RNF182: variants seen among roughly 807,000 people sequenced by gnomAD.
RNF182 encodes ring finger protein 182, also known as E3 ubiquitin-protein ligase RNF182.
In RNF182, 15 loss-of-function variants were observed where a neutral mutation model predicts 14.4. The ratio of observed to expected loss-of-function variants is 1.04; its 90% CI spans 0.70 to 1.60. RNF182 has a LOEUF of 1.60. RNF182 is among the 40% of genes most tolerant of loss of function. RNF182 has a pLI of 0.00. For missense variants in RNF182, 268 were observed against 294.8 expected (o/e 0.91, Z 0.67); for synonymous variants, 128 against 122.9 (o/e 1.04, Z -0.27).
chr6:13,940,007 C>CT (rs566479936), intron 1 of RNF182, among the ~76,000 whole-genome samples: 5 of 152,098 alleles, frequency 3.3e-5, no homozygotes, highest in African/African-American at 9.6e-5. Context: ...GTATCTTACA[C>CT]TTTTTTTTAT....
chr6:13,962,633 C>T (rs1759910745), intron 1 of RNF182, among the ~76,000 whole-genome samples: 1 of 152,142 alleles, frequency 6.6e-6, no homozygotes, highest in Admixed American at 6.5e-5. Flanking sequence ...TATCAGTTTT[C>T]TTGTTACAGA....
chr6:13,979,988 ATTG>A lies in RNF182; in HGVS notation c.*2128_*2130del, dbSNP rs1353669242. On this transcript the variant is annotated 3_prime_UTR_variant, in exon 3 of 3. Coordinates refer to ENST00000488300, the MANE Select transcript of RNF182 (RefSeq NM_152737.4). Reference sequence around the variant, plus strand: ...TGATACTATTTTGTTTGTCTATTAAATTGTTATTATTTCCAAATTTAGAAGTTT... The same window carrying A: ...TGATACTATTTTGTTTGTCTATTAAATTATTATTTCCAAATTTAGAAGTTT... The A allele has an allele frequency of 6.0e-5, 10 of 165,736 alleles. No homozygotes were observed. The highest frequency in any genetic ancestry group is 1.9e-4 in the East Asian group (1 of 5,204). 10.3% of individuals were successfully genotyped at this position (165,736 alleles called of 1,614,324 possible).
chr6:13,947,077 A>G (rs1421482866), intron 1 of RNF182, among the ~76,000 whole-genome samples: 1 of 152,174 alleles, frequency 6.6e-6, no homozygotes, highest in Non-Finnish European at 1.5e-5. Context: ...AGAGCTTTCT[A>G]TGAACTGGGC....
intron 1 of RNF182, chr6:13,949,370 AG>A (rs1759525157): frequency 1.3e-6 from 1 of 761,744 alleles, no homozygotes; most frequent in African/African-American, 1.7e-5. Context: ...GCTGCCAGTC[AG>A]ATCTCTAACA....
intron 1 of RNF182, among the ~76,000 whole-genome samples, chr6:13,948,755 G>T (rs1369161542): frequency 6.6e-6 from 1 of 152,060 alleles, no homozygotes; most frequent in African/African-American, 2.4e-5. Flanking sequence ...CATTTATTTA[G>T]CCAAAATGAC....
At position 13,971,150 on chromosome 6, in the gene RNF182, C is replaced by T. The variant is rs771216544; in HGVS notation, c.-366-3060C>T. ...GATATGATTTGGCTCTGTTTCCCCA[C>T]CCAAATCTCACCTTGAACTGTAATA... On this transcript the variant is annotated intron_variant, in intron 1 of 2. Transcript: ENST00000488300. Among the ~76,000 whole-genome samples the T allele has an allele frequency of 2.0e-4, 31 of 152,192 alleles. No homozygotes were observed. The Middle Eastern group carries it at 0.01, about 50-fold the overall frequency.
At chr6:13,933,980 T>C (rs1255933782) in intron 1 of RNF182, among the ~76,000 whole-genome samples, 1 of 152,030 alleles carries the variant, frequency 6.6e-6, no homozygotes, top group African/African-American at 2.4e-5. Flanking sequence ...ATTGCACCAC[T>C]GCACTCCAGC....
At position 13,977,562 on chromosome 6, in the gene RNF182, C is replaced by T. The variant is rs1406350850; in HGVS notation, c.443C>T (p.Pro148Leu). 6.2e-7 allele frequency: 1 copy of T among 1,614,182 alleles called. No individual in the cohort carries two copies. Among genetic ancestry groups the T allele is most frequent in the Admixed American group, 1.7e-5 (1 of 60,024 alleles). ...RESSPSLSST[P>L]VVEFYRPASF... ...AGCTCCCCGTCCCTGAGCTCCACTC[C>T]TGTGGTAGAATTTTATAGGCCTGCG... The change falls in exon 3 of 3, where the codon CCT (proline) becomes CTT (leucine). Residue 148 changes from proline to leucine, a missense_variant. Physicochemically the swap from Pro to Leu is moderately conservative, Grantham distance 98. Coordinates refer to ENST00000488300, the MANE Select transcript of RNF182 (RefSeq NM_152737.4).
At chr6:13,936,595 C>CT (rs1759117406) in intron 1 of RNF182, among the ~76,000 whole-genome samples, 1 of 152,196 alleles carries the variant, frequency 6.6e-6, no homozygotes, top group African/African-American at 2.4e-5. Flanking sequence ...ACTAATGACT[C>CT]AAAGATGAAC....
intron 1 of RNF182, among the ~76,000 whole-genome samples, chr6:13,938,522 C>T (rs1032286839): frequency 6.6e-6 from 1 of 151,794 alleles, no homozygotes; most frequent in African/African-American, 2.4e-5. Context: ...AATTTTTTGC[C>T]TGCTCCAATA....
intron 1 of RNF182, among the ~76,000 whole-genome samples, chr6:13,971,518 G>C (rs866242138): frequency 1.3e-5 from 2 of 152,114 alleles, no homozygotes; most frequent in Non-Finnish European, 1.5e-5. Flanking sequence ...CTGCTATAAG[G>C]ATACCTGAAA....
chr6:13,931,644 T>G (rs577989038), intron 1 of RNF182, among the ~76,000 whole-genome samples: 31 of 138,406 alleles, frequency 2.2e-4, no homozygotes, highest in Admixed American at 7.6e-4. Context: ...CTGTGACCTT[T>G]TTTTCTCTTT....
intron 1 of RNF182, among the ~76,000 whole-genome samples, chr6:13,972,904 T>G (rs1760230012): frequency 6.6e-6 from 1 of 152,178 alleles, no homozygotes; most frequent in Admixed American, 6.5e-5. Context: ...AGTGGAGCTG[T>G]GAGAAGAGGG....
chr6:13,925,899 A>G (rs1353407379), intron 1 of RNF182, among the ~76,000 whole-genome samples: 1 of 152,078 alleles, frequency 6.6e-6, no homozygotes, highest in African/African-American at 2.4e-5. Flanking sequence ...AGTGGCCCCA[A>G]CCCTTGCAAT....
rs1442751522 is a variant in RNF182, at chr6:13,950,320, C to G, written c.-366-23890C>G. On this transcript the variant is annotated intron_variant, in intron 1 of 2. Transcript: ENST00000488300. The stretch of plus-strand genomic sequence containing the variant: ...TAATTCCATACATCTCAAGGCCTTA[C>G]CTGGAATTCGCTGTAAAGCAGACAA... Among the ~76,000 whole-genome samples the G allele has an allele frequency of 2.2e-4, 33 of 151,998 alleles. 1 individual carries two copies. Among genetic ancestry groups the G allele is most frequent in the Non-Finnish European group, 4.7e-4 (32 of 68,014 alleles).
chr6:13,978,157 G>T lies in RNF182; in HGVS notation c.*294G>T, dbSNP rs530649717. On this transcript the variant is annotated 3_prime_UTR_variant, in exon 3 of 3. Coordinates refer to ENST00000488300, the MANE Select transcript of RNF182 (RefSeq NM_152737.4). ...CAGCACTGCCAGACAGACGGCAGGG[G>T]TGTGGTGTGTTATACTATAGGGAGA... 77 of 332,274 alleles carry T rather than the reference G, an allele frequency of 2.3e-4. 3 individuals carry two copies. In the South Asian group the frequency reaches 3.2e-3, roughly 14 times the overall value. The allele number at this position is 332,274 out of a possible 1,614,324, so 20.6% of individuals were successfully genotyped here. A position where few individuals can be genotyped will look rare whatever the true frequency, so the allele number is the denominator to read the frequency against.
chr6:13,942,981 T>TG (rs1288921484), intron 1 of RNF182, among the ~76,000 whole-genome samples: 2 of 152,206 alleles, frequency 1.3e-5, no homozygotes, highest in Non-Finnish European at 2.9e-5. Context: ...TTCACAGAGT[T>TG]CTGCAACCAG....
At chr6:13,968,788 A>G (rs1365706097) in intron 1 of RNF182, among the ~76,000 whole-genome samples, 1 of 152,216 alleles carries the variant, frequency 6.6e-6, no homozygotes, top group Non-Finnish European at 1.5e-5. Flanking sequence ...AAATGTGTTT[A>G]TGTGTACATG....
intron 2 of RNF182, among the ~76,000 whole-genome samples, chr6:13,975,114 G>A (rs770825724): frequency 3.9e-5 from 6 of 152,208 alleles, no homozygotes; most frequent in Non-Finnish European, 8.8e-5. Flanking sequence ...CAGATCACCA[G>A]TGAACTGCCC....
Sources: gnomAD v4.1 joint callset for allele counts (sites outside exome capture counted in the v4.1 genomes callset) on GRCh38, gnomAD v4.1.1 for gene constraint, MANE v1.5 for transcripts, NCBI Gene and HGNC (gene_info 2026-07-23, HGNC 2026-07-21) for gene names.